The following RELN variants were observed in gnomAD, a reference collection of about 807,000 sequenced individuals.
The protein encoded by RELN is reelin.
A neutral mutation model predicts 427.6 loss-of-function variants in RELN; 108 were observed. The ratio of observed to expected loss-of-function variants is 0.25; its 90% confidence interval spans 0.22 to 0.30. The LOEUF (loss-of-function observed/expected upper bound fraction) is 0.30. Among genes scored for constraint, RELN ranks in the 10% least tolerant of loss-of-function variants. The pLI is 1.00. For missense variants in RELN, 3,715 were observed against 4,302.8 expected, an observed-to-expected ratio of 0.86 and a Z score of 3.82; for synonymous variants, 1,524 against 1,513.4, an observed-to-expected ratio of 1.01 and a Z score of -0.16.
Position 103,833,614 on chromosome 7 carries a change from G to C in RELN, c.396C>G (p.His132Gln). The C allele has an allele frequency of 1.2e-6, 2 of 1,613,484 alleles. No individual in the cohort carries two copies. Among genetic ancestry groups the C allele is most frequent in the Non-Finnish European group, 1.7e-6 (2 of 1,179,426 alleles). Residue 132 changes from histidine to glutamine, a missense_variant, in exon 3 of 65, where the codon CAC becomes CAG. Coordinates refer to ENST00000428762, the MANE Select transcript of RELN (RefSeq NM_005045.4). Reference protein sequence around the residue: ...NQFMCSVVASHVSHLPTTNLS... With the variant: ...NQFMCSVVASQVSHLPTTNLS... ...GGTTGGTTGTGGGCAGGTGACTCAC[G>C]TGAGAGGCTACCACACTGCACATAA...
rs1323389184 is a variant in RELN at position 103,563,968 on chromosome 7, T to C, written c.5210+1310A>G. Among the ~76,000 whole-genome samples the C allele has an allele frequency of 6.6e-6, 1 of 152,214 alleles. No homozygotes were observed. Among genetic ancestry groups the C allele is most frequent in the South Asian group, 2.1e-4 (1 of 4,832 alleles). On this transcript the variant is annotated intron_variant, in intron 34 of 64. Coordinates refer to ENST00000428762, the MANE Select transcript of RELN (RefSeq NM_005045.4). This position sits in a 1 kb window ranked among gnomAD's most constrained non-coding sequence, Gnocchi z 4.1. ...TGAAGGTTTATGTAAGTTCACTCTA[T>C]GATGTTCACACAACAATGGAATTGC... is the stretch of plus-strand genomic sequence containing the variant.
At chr7:103,872,049 T>TC (rs1794354503) in intron 2 of RELN, among the ~76,000 whole-genome samples, 1 of 110,222 alleles carries the variant, frequency 9.1e-6, no homozygotes, top group African/African-American at 2.8e-5. Flanking sequence ...TTTTCTTTTT[T>TC]TTCTTTTTTT....
chr7:103,801,139 T>G (rs1175538936), intron 3 of RELN, among the ~76,000 whole-genome samples: 1 of 152,182 alleles, frequency 6.6e-6, no homozygotes. Flanking sequence ...GGTGGGACTG[T>G]AAACTAGTTC....
At chr7:103,912,690 A>C (rs1389272625) in intron 2 of RELN, among the ~76,000 whole-genome samples, 1 of 152,112 alleles carries the variant, frequency 6.6e-6, no homozygotes, top group Non-Finnish European at 1.5e-5. Context: ...CATTCATCAG[A>C]CCTGCAAACC....
intron 20 of RELN, among the ~76,000 whole-genome samples, chr7:103,629,005 C>A (rs192228640): frequency 5.9e-5 from 9 of 152,208 alleles, no homozygotes; most frequent in Non-Finnish European, 5.9e-5. Context: ...TCCTTGAATA[C>A]GCCATGGTCA....
intron 3 of RELN, among the ~76,000 whole-genome samples, chr7:103,794,908 C>T (rs1388691714): frequency 1.3e-5 from 2 of 152,190 alleles, no homozygotes; most frequent in African/African-American, 4.8e-5. Flanking sequence ...TTTGTAAGAA[C>T]TCAGCCCATA....
rs2229860 is a variant in RELN at position 103,565,380 on chromosome 7, G to C, written c.5108C>G (p.Pro1703Arg). ...DWHLVTEECV[P>R]PTIGCLHYTE... The stretch of plus-strand genomic sequence containing the variant: ...GTAATGCAGACAGCCAATGGTTGGA[G>C]GAACACACTCTTCGGTGACAAGATG... The change falls in exon 34 of 65, where the codon CCT becomes CGT. Residue 1703 changes from proline (P) to arginine (R), a missense_variant. Transcript: ENST00000428762. The C allele has an allele frequency of 4.5e-3, 7,191 of 1,614,054 alleles. 19 individuals are homozygous for C. Among genetic ancestry groups the C allele is most frequent in the Non-Finnish European group, 5.3e-3 (6,213 of 1,179,970 alleles).
chr7:103,508,860 A>AACAG (rs199617502), intron 51 of RELN, among the ~76,000 whole-genome samples: 23,500 of 152,064 alleles, frequency 0.15, 1,953 homozygotes, highest in East Asian at 0.29. Flanking sequence ...GTACACCAAT[A>AACAG]ACAGAGAGTC....
intron 6 of RELN, among the ~76,000 whole-genome samples, chr7:103,741,328 A>T (rs1790648803): frequency 6.6e-6 from 1 of 151,974 alleles, no homozygotes; most frequent in East Asian, 1.9e-4. Context: ...TCCCTCCTTT[A>T]TGATGTTGCT....
chr7:103,957,478 TGGCAATC>T (rs751425877), intron 1 of RELN, among the ~76,000 whole-genome samples: 17 of 152,196 alleles, frequency 1.1e-4, no homozygotes, highest in Non-Finnish European at 2.1e-4. Flanking sequence ...TTCACCTTCG[TGGCAATC>T]TCGTATTATA....
chr7:103,939,559 A>T (rs911429796), intron 1 of RELN, among the ~76,000 whole-genome samples: 1 of 152,194 alleles, frequency 6.6e-6, no homozygotes, highest in Non-Finnish European at 1.5e-5. Context: ...TGGTATAACC[A>T]TTCTTTGTGT....
intron 6 of RELN, among the ~76,000 whole-genome samples, chr7:103,731,115 C>A (rs1284773754): frequency 6.6e-6 from 1 of 152,064 alleles, no homozygotes; most frequent in East Asian, 1.9e-4. Flanking sequence ...TATCATTGCT[C>A]TTCACTCATA....
rs1235789363 is a variant in RELN at position 103,561,887 on chromosome 7, A to G, written c.5277T>C (p.Ile1759=). ...ACCCTGAGGCCAGTACAACATTATC[A>G]ATCGCCCAGGAATCAGCCCCCACAG... The part of the protein sequence containing the change: ...NYTVGADSWA[I]DNVVLASGCP... Residue 1759 remains isoleucine, a synonymous_variant, in exon 35 of 65, where the codon ATT becomes ATC. Transcript: ENST00000428762. 6.2e-7 allele frequency: 1 copy of G among 1,612,892 alleles called. No individual in the cohort carries two copies. Among genetic ancestry groups the G allele is most frequent in the Non-Finnish European group, 8.5e-7 (1 of 1,179,810 alleles).
At chr7:103,882,796 T>C (rs1429565194) in intron 2 of RELN, among the ~76,000 whole-genome samples, 1 of 152,128 alleles carries the variant, frequency 6.6e-6, no homozygotes, top group African/African-American at 2.4e-5. Flanking sequence ...GAGGCAGTAA[T>C]AGCCTACCAG....
chr7:103,487,616 T>C (rs977386865), intron 60 of RELN, among the ~76,000 whole-genome samples: 1 of 152,216 alleles, frequency 6.6e-6, no homozygotes, highest in Non-Finnish European at 1.5e-5. Flanking sequence ...ATTTGCCGTG[T>C]AAAACTGTTG....
chr7:103,607,512 A>C (rs944429468), intron 22 of RELN, among the ~76,000 whole-genome samples: 1 of 152,206 alleles, frequency 6.6e-6, no homozygotes, highest in Non-Finnish European at 1.5e-5. Flanking sequence ...TCTTAGGAAG[A>C]AAATCTTGTC....
intron 1 of RELN, among the ~76,000 whole-genome samples, chr7:103,960,062 C>A (rs1228049745): frequency 6.6e-6 from 1 of 152,176 alleles, no homozygotes; most frequent in African/African-American, 2.4e-5. Context: ...ACTTCTCTGG[C>A]AGTTCATTCT....
At chr7:103,747,503 T>C (rs1201251373) in intron 6 of RELN, among the ~76,000 whole-genome samples, 1 of 152,154 alleles carries the variant, frequency 6.6e-6, no homozygotes, top group African/African-American at 2.4e-5. Context: ...AGCTTTTTGC[T>C]TTTCTCATGG....
chr7:103,816,222 T>C (rs758820014), intron 3 of RELN, among the ~76,000 whole-genome samples: 3 of 151,880 alleles, frequency 2.0e-5, no homozygotes, highest in Non-Finnish European at 4.4e-5. Context: ...CTAGTAAACA[T>C]ACAAAAATTG....
Sources: gnomAD v4.1 joint callset for allele counts (sites outside exome capture counted in the v4.1 genomes callset) on GRCh38, gnomAD v4.1.1 for gene constraint, Gnocchi (gnomAD v3.1) non-coding constraint, MANE v1.5 for transcripts, NCBI Gene and HGNC (gene_info 2026-07-23, HGNC 2026-07-21) for gene names.